Variants in CTPS2 observed in about 807,000 individuals in gnomAD.
CTPS2 encodes CTP synthase II.
Under a neutral mutation model 46.8 loss-of-function variants are expected in CTPS2, and 19 were observed. That is an observed-to-expected ratio of 0.41 (90% CI 0.28 to 0.60). CTPS2 has a LOEUF of 0.60. CTPS2 is among the 20% of genes least tolerant of loss of function. CTPS2 has a pLI of 0.35. For missense variants in CTPS2, 286 were observed against 447.6 expected (o/e 0.64, Z 3.26); for synonymous variants, 151 against 165.2 (o/e 0.91, Z 0.66).
At chrX:16,644,467 T>C (rs1423174876) in intron 13 of CTPS2, among the ~76,000 whole-genome samples, 1 of 111,475 alleles carries the variant, frequency 9.0e-6, no homozygotes, top group Admixed American at 9.6e-5. Flanking sequence ...GAAGGGAAGA[T>C]TCTGGATTAT....
chrX:16,643,370 A>AT (rs375662861), intron 13 of CTPS2, among the ~76,000 whole-genome samples: 17 of 107,344 alleles, frequency 1.6e-4, no homozygotes, highest in South Asian at 1.2e-3. Flanking sequence ...TTCCTCTAGC[A>AT]TTTTTTTTTT....
intron 13 of CTPS2, chrX:16,651,194 G>A: frequency 1.0e-6 from 1 of 967,089 alleles, no homozygotes; most frequent in Non-Finnish European, 1.5e-6. Flanking sequence ...GGGAGGGGAG[G>A]GAGGGAGGGG....
At chrX:16,613,537 T>C (rs1223254606) in intron 16 of CTPS2, among the ~76,000 whole-genome samples, 1 of 110,828 alleles carries the variant, frequency 9.0e-6, no homozygotes, top group Non-Finnish European at 1.9e-5. Flanking sequence ...AGCTAATATG[T>C]GAAATTTCTA....
chrX:16,620,029 A>T (rs1468356760), intron 15 of CTPS2, among the ~76,000 whole-genome samples: 1 of 111,309 alleles, frequency 9.0e-6, no homozygotes, highest in South Asian at 3.8e-4. Context: ...GATAGGCCCC[A>T]TGTGCAGGTA....
chrX:16,695,859 AT>A (rs1924090891), intron 4 of CTPS2, among the ~76,000 whole-genome samples: 1 of 109,085 alleles, frequency 9.2e-6, no homozygotes, highest in Non-Finnish European at 1.9e-5. Flanking sequence ...CCCTTTTTAA[AT>A]TTTTTTTAAA....
intron 16 of CTPS2, among the ~76,000 whole-genome samples, chrX:16,613,342 G>T (rs1930357505): frequency 8.9e-6 from 1 of 111,738 alleles, no homozygotes; most frequent in South Asian, 3.8e-4. Flanking sequence ...TTGTTAGGAG[G>T]TATTGGAGAA....
At chrX:16,607,932 G>A (rs923145786) in intron 17 of CTPS2, among the ~76,000 whole-genome samples, 3 of 113,029 alleles carry the variant, frequency 2.7e-5, no homozygotes, top group Non-Finnish European at 5.6e-5. Context: ...AAATTTTGGC[G>A]GGACACGGAG....
chrX:16,627,002 G>T (rs146224702), intron 14 of CTPS2: 3,008 of 113,684 alleles, frequency 0.026, 98 homozygotes, highest in African/African-American at 0.092. Flanking sequence ...ATCACCCATA[G>T]CATCTAATAC....
intron 14 of CTPS2, among the ~76,000 whole-genome samples, chrX:16,632,741 G>A (rs1390163682): frequency 9.0e-6 from 1 of 111,366 alleles, no homozygotes; most frequent in African/African-American, 3.3e-5. Flanking sequence ...ACATTTTGGA[G>A]AGTGATTATA....
chrX:16,626,010 T>C (rs1257851620), intron 14 of CTPS2, among the ~76,000 whole-genome samples: 2 of 111,555 alleles, frequency 1.8e-5, no homozygotes, highest in Admixed American at 1.9e-4. Flanking sequence ...GTCGGGCCTT[T>C]GCCAGAGAAT....
intron 9 of CTPS2, among the ~76,000 whole-genome samples, chrX:16,682,115 G>C (rs1014983111): frequency 1.8e-5 from 2 of 112,111 alleles, no homozygotes; most frequent in Non-Finnish European, 3.8e-5. Flanking sequence ...ACTTAAACGA[G>C]CATGACAAGC....
chrX:16,706,673 G>A (rs1358399241), intron 1 of CTPS2, among the ~76,000 whole-genome samples: 3 of 110,795 alleles, frequency 2.7e-5, no homozygotes, highest in East Asian at 2.8e-4. Flanking sequence ...CCAGCCTGGC[G>A]AACATGGTGA....
intron 16 of CTPS2, among the ~76,000 whole-genome samples, chrX:16,610,902 T>TG (rs1250127618): frequency 1.8e-5 from 2 of 112,130 alleles, no homozygotes; most frequent in Non-Finnish European, 3.8e-5. Context: ...TGGATGCAGC[T>TG]GGGGGCCATT....
At chrX:16,657,792 T>C (rs1259563107) in intron 13 of CTPS2, among the ~76,000 whole-genome samples, 1 of 111,908 alleles carries the variant, frequency 8.9e-6, no homozygotes, top group East Asian at 2.8e-4. Context: ...TATCTAAATT[T>C]TGGGAGGAGA....
intron 1 of CTPS2, among the ~76,000 whole-genome samples, chrX:16,706,423 G>A (rs745569363): frequency 2.2e-4 from 24 of 108,045 alleles, no homozygotes; most frequent in African/African-American, 7.4e-4. Flanking sequence ...ACTCCGACTC[G>A]AAAGGTAAGA....
intron 15 of CTPS2, among the ~76,000 whole-genome samples, chrX:16,618,563 A>C (rs1930652186): frequency 8.9e-6 from 1 of 111,831 alleles, no homozygotes; most frequent in Non-Finnish European, 1.9e-5. Flanking sequence ...CATTCCAACC[A>C]GCAATGCATG....
At chrX:16,649,041 A>G (rs1218779838) in intron 13 of CTPS2, among the ~76,000 whole-genome samples, 1 of 112,379 alleles carries the variant, frequency 8.9e-6, no homozygotes, top group African/African-American at 3.2e-5. Flanking sequence ...TCAGCATTAG[A>G]TCAATGTCCC....
At chrX:16,675,259 G>C (rs1352091648) in intron 10 of CTPS2, among the ~76,000 whole-genome samples, 2 of 88,700 alleles carry the variant, frequency 2.3e-5, no homozygotes, top group African/African-American at 8.7e-5. Flanking sequence ...CAGAGCAAGA[G>C]ACTGTGTCTC....
chrX:16,701,522 T>C (rs1487390294), intron 2 of CTPS2, among the ~76,000 whole-genome samples: 3 of 110,125 alleles, frequency 2.7e-5, no homozygotes. Flanking sequence ...TCTTGGCCAC[T>C]GCACTCCAGC....
Sources: allele counts gnomAD v4.1 joint callset (sites outside exome capture counted in the v4.1 genomes callset), GRCh38; gene constraint gnomAD v4.1.1; transcripts MANE v1.5; gene names NCBI Gene and HGNC (gene_info 2026-07-23, HGNC 2026-07-21).